Variants in PAPPA observed in about 807,000 individuals in gnomAD.
PAPPA encodes the protein pappalysin 1, also known as pappalysin-1.
PAPPA carries 60 observed loss-of-function variants against 164.0 expected under a neutral mutation model. That is an observed-to-expected ratio of 0.37 (90% confidence interval 0.30 to 0.45). The LOEUF is 0.45. PAPPA is among the 20% of genes least tolerant of loss of function. The pLI, the probability that PAPPA is intolerant of heterozygous loss-of-function variation, is 1.00. For missense variants in PAPPA, 1,782 were observed against 2,087.3 expected (o/e 0.85, Z 2.85); for synonymous variants, 875 against 814.1 (o/e 1.07, Z -1.27).
chr9:116,371,153 A>G (rs930460508), intron 19 of PAPPA, among the ~76,000 whole-genome samples: 8 of 148,726 alleles, frequency 5.4e-5, no homozygotes, highest in Non-Finnish European at 3.0e-5. Flanking sequence ...GCGGTGGCTC[A>G]CGCCTGTAAT....
At position 116,187,976 on chromosome 9, in the gene PAPPA, A is replaced by G. The variant is rs757848980; in HGVS notation, c.1238A>G (p.Asn413Ser). Reference sequence around the variant, plus strand: ...CTTCGCCGCCGCCTCATCCTGGCCAACTGTGACATCAGCAAGATTGGGGAT... The same window carrying G: ...CTTCGCCGCCGCCTCATCCTGGCCAGCTGTGACATCAGCAAGATTGGGGAT... ...SSLRRRLILA[N>S]CDISKIGDEN... The change falls in exon 2 of 22, where the codon AAC becomes AGC. Residue 413 changes from asparagine (N) to serine (S), a missense_variant. By Grantham distance (46) the Asn-to-Ser change is conservative. Transcript: ENST00000328252. This position sits in a 1 kb window ranked among gnomAD's most constrained non-coding sequence, Gnocchi z 4.2. 30 of 1,614,038 alleles carry G rather than the reference A, an allele frequency of 1.9e-5. No individual in the cohort carries two copies. Among genetic ancestry groups the G allele is most frequent in the Non-Finnish European group, 1.1e-5 (13 of 1,180,042 alleles).
At chr9:116,321,637 C>T (rs1017870636) in intron 10 of PAPPA, among the ~76,000 whole-genome samples, 1 of 152,148 alleles carries the variant, frequency 6.6e-6, no homozygotes, top group African/African-American at 2.4e-5. Flanking sequence ...CTTTCCTGCA[C>T]TACATGGTTA....
chr9:116,354,927 T>C (rs931222808), intron 17 of PAPPA, among the ~76,000 whole-genome samples: 2 of 151,614 alleles, frequency 1.3e-5, no homozygotes, highest in South Asian at 2.1e-4. Context: ...AGATGGATTT[T>C]CCCCCCACAC....
chr9:116,395,401 T>G (rs544141768), intron 21 of PAPPA, among the ~76,000 whole-genome samples: 1 of 152,344 alleles, frequency 6.6e-6, no homozygotes, highest in Admixed American at 6.5e-5. Context: ...TGAGACTACG[T>G]GACCACTTGG....
intron 1 of PAPPA, among the ~76,000 whole-genome samples, chr9:116,180,849 C>T (rs766604126): frequency 3.9e-5 from 6 of 152,186 alleles, no homozygotes; most frequent in Admixed American, 1.3e-4. Context: ...TCAGGAGACT[C>T]GAATTCCAGT....
intron 9 of PAPPA, among the ~76,000 whole-genome samples, chr9:116,277,504 G>A (rs982111193): frequency 1.3e-5 from 2 of 152,008 alleles, no homozygotes; most frequent in Admixed American, 6.6e-5. Context: ...AGCTTGTGTC[G>A]CAGTTTTTTC....
chr9:116,240,637 A>G (rs539271590), intron 7 of PAPPA, among the ~76,000 whole-genome samples: 33 of 152,324 alleles, frequency 2.2e-4, no homozygotes, highest in Middle Eastern at 3.4e-3. Context: ...AGATAATCTC[A>G]TTTGATCTAA....
Position 116,396,907 on chromosome 9 carries a change from A to C in PAPPA, c.*291A>C, listed in dbSNP as rs1028235741. 3 of 435,730 alleles carry C rather than the reference A, an allele frequency of 6.9e-6. No individual in the cohort carries two copies. The highest frequency in any genetic ancestry group is 5.9e-5 in the African/African-American group (3 of 50,996). 27.0% of individuals were successfully genotyped at this position (435,730 alleles called of 1,614,324 possible). ...TTCTAGCCATTTGTCACACAACCACAGCAAGAAACGTGTTCTATATCTAGA... is the reference window on the plus strand; with the variant it reads ...TTCTAGCCATTTGTCACACAACCACCGCAAGAAACGTGTTCTATATCTAGA... On this transcript the variant is annotated 3_prime_UTR_variant, in exon 22 of 22. Coordinates refer to ENST00000328252, the MANE Select transcript of PAPPA (RefSeq NM_002581.5).
chr9:116,186,385 C>T (rs1269764687), intron 1 of PAPPA, among the ~76,000 whole-genome samples: 1 of 152,058 alleles, frequency 6.6e-6, no homozygotes, highest in Non-Finnish European at 1.5e-5. Flanking sequence ...AAATGCCTTC[C>T]ATTCTCTGGG....
At chr9:116,197,369 CAA>C (rs1221273185) in intron 2 of PAPPA, among the ~76,000 whole-genome samples, 3 of 152,116 alleles carry the variant, frequency 2.0e-5, no homozygotes, top group African/African-American at 7.2e-5. Context: ...TACTTGAGTA[CAA>C]AGTGTTCAGT....
chr9:116,278,268 C>G (rs1019578250), intron 9 of PAPPA, among the ~76,000 whole-genome samples: 5 of 152,130 alleles, frequency 3.3e-5, no homozygotes, highest in African/African-American at 1.2e-4. Flanking sequence ...ATAATTGCAC[C>G]ATTTTGCTGG....
rs116914318 is a variant in PAPPA at position 116,342,630 on chromosome 9, C to T, written c.3612-1913C>T. On this transcript the variant is annotated intron_variant, in intron 13 of 21. Transcript: ENST00000328252. ...CCCAGTAAAACCCTCAGTTGGGTAT[C>T]GTGAAACTGAGAGAAAACAAAAAAC... Among the ~76,000 whole-genome samples, 53 of 151,996 alleles carry T rather than the reference C, an allele frequency of 3.5e-4. No homozygotes were observed. The East Asian group carries it at 9.9e-3, about 28-fold the overall frequency.
Position 116,227,515 on chromosome 9 carries a change from C to T in PAPPA, c.2196C>T (p.Cys732=), listed in dbSNP as rs143992175. ...YASNASSPMP[C]SPSGHWSPRE... ...CCAACGCTTCCTCCCCAATGCCCTG[C>T]AGCCCATCAGGACACTGGAGCCCTC... Residue 732 remains cysteine (C), a synonymous_variant, in exon 6 of 22, where the codon TGC becomes TGT. Coordinates refer to ENST00000328252, the MANE Select transcript of PAPPA (RefSeq NM_002581.5). The T allele has an allele frequency of 8.7e-6, 14 of 1,613,974 alleles. No individual in the cohort carries two copies. The highest frequency in any genetic ancestry group is 1.1e-5 in the Non-Finnish European group (13 of 1,179,992).
At chr9:116,358,300 T>TG (rs1846379478) in intron 17 of PAPPA, among the ~76,000 whole-genome samples, 2 of 152,360 alleles carry the variant, frequency 1.3e-5, no homozygotes, top group Admixed American at 6.5e-5. Flanking sequence ...TCCTCCCTTG[T>TG]GGGGCAACAT....
At chr9:116,307,907 T>G (rs1845667612) in intron 10 of PAPPA, among the ~76,000 whole-genome samples, 1 of 152,032 alleles carries the variant, frequency 6.6e-6, no homozygotes, top group Non-Finnish European at 1.5e-5. Context: ...ATGAATGATA[T>G]CTACCTGGTA....
chr9:116,176,937 C>A (rs893646116), intron 1 of PAPPA, among the ~76,000 whole-genome samples: 2 of 148,298 alleles, frequency 1.3e-5, no homozygotes, highest in Non-Finnish European at 3.0e-5. Flanking sequence ...CTATTAATGT[C>A]TTGATCTCTG....
chr9:116,350,981 A>C (rs1354235087), intron 15 of PAPPA, among the ~76,000 whole-genome samples: 2 of 152,264 alleles, frequency 1.3e-5, no homozygotes, highest in Admixed American at 6.5e-5. Flanking sequence ...CATACTGACA[A>C]AGAAGAAAAA....
intron 13 of PAPPA, among the ~76,000 whole-genome samples, chr9:116,339,669 A>G (rs944163472): frequency 9.9e-5 from 15 of 152,212 alleles, no homozygotes; most frequent in African/African-American, 3.6e-4. Context: ...AGAATGATTT[A>G]TAAACAGCCT....
chr9:116,213,122 C>CT, intron 4 of PAPPA, among the ~76,000 whole-genome samples: 1 of 152,322 alleles, frequency 6.6e-6, no homozygotes, highest in East Asian at 1.9e-4. Context: ...GGCAACTGCC[C>CT]TGGTGGCTAT....
Sources: gnomAD v4.1 joint callset for allele counts (sites outside exome capture counted in the v4.1 genomes callset) on GRCh38, gnomAD v4.1.1 for gene constraint, Gnocchi (gnomAD v3.1) non-coding constraint, MANE v1.5 for transcripts, NCBI Gene and HGNC (gene_info 2026-07-23, HGNC 2026-07-21) for gene names.